TGIF1: variants seen among roughly 807,000 people sequenced by gnomAD.
TGIF1 encodes the protein homeobox protein TGIF1.
Under a neutral mutation model 19.3 loss-of-function variants are expected in TGIF1, and 4 were observed. The ratio of observed to expected loss-of-function variants is 0.21; its 90% confidence interval spans 0.10 to 0.47. The LOEUF (loss-of-function observed/expected upper bound fraction) is 0.47, where lower values mean the gene tolerates loss of function less well. Ranked by LOEUF, TGIF1 falls within the 20% of genes least tolerant of loss-of-function variation. The pLI, the probability that TGIF1 is intolerant of heterozygous loss-of-function variation, is 0.98. For synonymous variants in TGIF1, 122 were observed against 129.3 expected (o/e 0.94, Z 0.38); for missense variants, 275 against 341.4 (o/e 0.81, Z 1.53).
rs376562432 is a variant in TGIF1 at position 3,431,396 on chromosome 18, A to G, written c.-45+13181A>G. On this transcript the variant is annotated intron_variant, in intron 2 of 3. Coordinates refer to the TGIF1 transcript ENST00000401449. Reference sequence around the variant, plus strand: ...GGTCGTAGTGAGCAGAGATTGTGCCATTGCACTCCAGTCTGGGCGACAGGA... The same window carrying G: ...GGTCGTAGTGAGCAGAGATTGTGCCGTTGCACTCCAGTCTGGGCGACAGGA... Among the ~76,000 whole-genome samples the G allele has an allele frequency of 2.6e-5, 4 of 152,328 alleles. No homozygotes were observed. In the East Asian group the frequency reaches 5.8e-4, roughly 22 times the overall value.
At chr18:3,449,027 A>C (rs1203272712), upstream of TGIF1, among the ~76,000 whole-genome samples, 1 of 152,030 alleles carries the variant, frequency 6.6e-6, no homozygotes, top group Non-Finnish European at 1.5e-5. Flanking sequence ...TTTGCTTCAA[A>C]ACAACAGGAC....
At chr18:3,443,032 A>C (rs1373489093) in intron 2 of TGIF1, among the ~76,000 whole-genome samples, 1 of 152,304 alleles carries the variant, frequency 6.6e-6, no homozygotes, top group East Asian at 1.9e-4. Flanking sequence ...GTTTTGATGC[A>C]GCTATTCCAC....
In TGIF1 at chr18:3,452,432, G is replaced by A. The variant is rs767740402; in HGVS notation, c.16+1927G>A. ...GCGACTGGTTCAGGGCTCTTTGGGG[G>A]AGCCGAGGCTGCCGAGGTTACCCGG... is the stretch of plus-strand genomic sequence containing the variant. On this transcript the variant is annotated intron_variant, in intron 1 of 2. Transcript: ENST00000343820. 2.5e-6 allele frequency: 4 copies of A among 1,611,994 alleles called. No individual in the cohort carries two copies. The South Asian group carries it at 4.4e-5, about 18-fold the overall frequency.
At chr18:3,420,325 G>T (rs931629716) in intron 2 of TGIF1, among the ~76,000 whole-genome samples, 4 of 152,014 alleles carry the variant, frequency 2.6e-5, no homozygotes, top group Non-Finnish European at 4.4e-5. Context: ...GGAGTTTGCA[G>T]TGAGCCAAGA....
chr18:3,452,023 C>G (rs1480502013), intron 1 of TGIF1: 2 of 1,610,386 alleles, frequency 1.2e-6, no homozygotes, highest in Non-Finnish European at 1.7e-6. Flanking sequence ...GTGGGCTCCC[C>G]GCATTGTTCG....
upstream of TGIF1, chr18:3,449,981 G>C (rs1442747726): frequency 2.0e-6 from 2 of 988,184 alleles, no homozygotes; most frequent in Admixed American, 6.1e-5. Flanking sequence ...TCGTGTTTCT[G>C]GACCCGGCCA....
rs1230275105 is a variant in TGIF1 at position 3,457,650 on chromosome 18, A to G, written c.529A>G (p.Thr177Ala). ...TCGTCCATCAGTGATCTGCCATACC[A>G]CTGTGACTGCATTGAAAGATGTCCC... ...LARPSVICHT[T>A]VTALKDVPFS... The change falls in exon 3 of 3, where the codon ACT becomes GCT. Residue 177 changes from threonine to alanine, a missense_variant. By Grantham distance (58) the Thr-to-Ala change is moderately conservative. Coordinates refer to ENST00000343820, the MANE Select transcript of TGIF1 (RefSeq NM_003244.4). The surrounding 1 kb of genome is among the most constrained non-coding windows in gnomAD (Gnocchi z 4.9). The G allele has an allele frequency of 4.3e-6, 7 of 1,614,178 alleles. No individual in the cohort carries two copies. Among genetic ancestry groups the G allele is most frequent in the Non-Finnish European group, 5.9e-6 (7 of 1,180,030 alleles).
At chr18:3,428,086 G>T (rs770425204) in intron 2 of TGIF1, among the ~76,000 whole-genome samples, 68 of 152,184 alleles carry the variant, frequency 4.5e-4, no homozygotes, top group Non-Finnish European at 5.7e-4. Flanking sequence ...CATTGTTGAT[G>T]TGGAACGGAT....
At chr18:3,455,487 A>G (rs575455084) in intron 1 of TGIF1, 7 of 152,326 alleles carry the variant, frequency 4.6e-5, no homozygotes, top group African/African-American at 1.4e-4. Context: ...ATCATTTAAG[A>G]CTGAACTCTG....
intron 2 of TGIF1, among the ~76,000 whole-genome samples, chr18:3,424,210 A>T (rs921321242): frequency 2.0e-5 from 3 of 152,160 alleles, no homozygotes; most frequent in Non-Finnish European, 4.4e-5. Context: ...ATAAGTAATC[A>T]TCAGTAATAA....
At chr18:3,422,319 A>G (rs1373081170) in intron 2 of TGIF1, among the ~76,000 whole-genome samples, 4 of 150,048 alleles carry the variant, frequency 2.7e-5, no homozygotes, top group Non-Finnish European at 5.9e-5. Flanking sequence ...AAAAAAAAAA[A>G]AATTTGATAG....
intron 2 of TGIF1, among the ~76,000 whole-genome samples, chr18:3,427,869 G>A (rs2143173787): frequency 6.6e-6 from 1 of 152,290 alleles, no homozygotes; most frequent in South Asian, 2.1e-4. Flanking sequence ...CAAAGGGATG[G>A]GATTATAGGC....
intron 2 of TGIF1, among the ~76,000 whole-genome samples, chr18:3,419,053 C>T (rs752769424): frequency 8.5e-5 from 13 of 152,092 alleles, no homozygotes; most frequent in Admixed American, 3.9e-4. Context: ...AGCAAAACTC[C>T]ATCTCAAAAA....
rs934870344 is a variant in TGIF1 at position 3,451,951 on chromosome 18, GAAT to G, written c.16+1449_16+1451del. On this transcript the variant is annotated intron_variant, in intron 1 of 2. Coordinates refer to ENST00000343820, the MANE Select transcript of TGIF1 (RefSeq NM_003244.4). The surrounding 1 kb of genome is among the most constrained non-coding windows in gnomAD (Gnocchi z 5.4). ...CTGTCTGTTGTGGTGGGCCTCCCGG[GAAT>G]AAGTGAGGGGCTCTGTGTTTCGAGG... The G allele has an allele frequency of 6.4e-7, 1 of 1,553,032 alleles. No homozygotes were observed. Among genetic ancestry groups the G allele is most frequent in the Non-Finnish European group, 8.7e-7 (1 of 1,147,380 alleles).
At position 3,452,518 on chromosome 18, in the gene TGIF1, G is replaced by A. The variant is rs375336693; in HGVS notation, c.16+2013G>A. 50 of 1,340,680 alleles carry A rather than the reference G, an allele frequency of 3.7e-5. No individual in the cohort carries two copies. In the East Asian group the frequency reaches 5.7e-4, roughly 15 times the overall value. The allele number at this position is 1,340,680 out of a possible 1,614,324, so 83.0% of individuals were successfully genotyped here. A position where few individuals can be genotyped will look rare whatever the true frequency, so the allele number is the denominator to read the frequency against. ...TCTGGGGTGGGCAGGCCTCTGAGAA[G>A]GTGGGATTCACGGCCTCATTTCTAG... is the stretch of plus-strand genomic sequence containing the variant. On this transcript the variant is annotated intron_variant, in intron 1 of 2. Coordinates refer to ENST00000343820, the MANE Select transcript of TGIF1 (RefSeq NM_003244.4).
At chr18:3,450,566 G>C in intron 1 of TGIF1, 61 bp downstream of exon 1, 1 of 1,550,016 alleles carries the variant, frequency 6.5e-7, no homozygotes, top group Non-Finnish European at 8.7e-7. Context: ...GTGCTGGCCG[G>C]GCCGCGCCGC....
chr18:3,436,879 T>C (rs568084665), intron 2 of TGIF1, among the ~76,000 whole-genome samples: 10 of 151,626 alleles, frequency 6.6e-5, no homozygotes, highest in Admixed American at 2.0e-4. Context: ...CCGAGGTGGG[T>C]GGATCATTCC....
chr18:3,437,287 C>T (rs1170742209), intron 2 of TGIF1, among the ~76,000 whole-genome samples: 1 of 152,072 alleles, frequency 6.6e-6, no homozygotes, highest in Non-Finnish European at 1.5e-5. Context: ...CATTCTTATC[C>T]TGCAGATAAT....
rs2082868556 is a variant in TGIF1 at position 3,450,434 on chromosome 18, C to CG, written c.-55dup. The CG allele has an allele frequency of 1.3e-6, 2 of 1,551,870 alleles. No individual in the cohort carries two copies. The highest frequency in any genetic ancestry group is 3.9e-5 in the Admixed American group (2 of 51,052). ...GACGTTCGCTTATCCCCTGTGTCCC[C>CG]GCTCCTGGCCCCTCCAGACCCCCGC... is the stretch of plus-strand genomic sequence containing the variant. On this transcript the variant is annotated 5_prime_UTR_variant, in exon 1 of 3. Coordinates refer to ENST00000343820, the MANE Select transcript of TGIF1 (RefSeq NM_003244.4).
Sources: allele counts gnomAD v4.1 joint callset (sites outside exome capture counted in the v4.1 genomes callset), GRCh38; gene constraint gnomAD v4.1.1; non-coding constraint Gnocchi (gnomAD v3.1); transcripts MANE v1.5; gene names NCBI Gene and HGNC (gene_info 2026-07-23, HGNC 2026-07-21).